LRP5: variants seen among roughly 807,000 people sequenced by gnomAD.
LRP5 encodes the protein low-density lipoprotein receptor-related protein 5.
Under a neutral mutation model 154.1 loss-of-function variants are expected in LRP5, and 62 were observed. The ratio of observed to expected loss-of-function variants is 0.40; its 90% CI spans 0.33 to 0.50. The LOEUF (loss-of-function observed/expected upper bound fraction) is 0.50. Among genes scored for constraint, LRP5 ranks in the 20% least tolerant of loss-of-function variants. The pLI is 0.55. For synonymous variants in LRP5, 966 were observed against 1,011.5 expected (o/e 0.96, Z 0.85); for missense variants, 1,915 against 2,336.7 (o/e 0.82, Z 3.72).
chr11:68,409,051 G>GAAAAAAA (rs57069059), intron 9 of LRP5, among the ~76,000 whole-genome samples: 4 of 51,418 alleles, frequency 7.8e-5, no homozygotes, highest in African/African-American at 3.6e-4. Flanking sequence ...CTTATCTGGG[G>GAAAAAAA]AAAAAAAAAA....
chr11:68,436,663 G>A (rs2153180374), intron 18 of LRP5, among the ~76,000 whole-genome samples: 1 of 152,318 alleles, frequency 6.6e-6, no homozygotes, highest in Middle Eastern at 3.4e-3. Context: ...CAGGCAGGAG[G>A]TGCGTTGAGG....
At chr11:68,387,380 G>C (rs1323461073) in intron 6 of LRP5, among the ~76,000 whole-genome samples, 1 of 151,996 alleles carries the variant, frequency 6.6e-6, no homozygotes, top group Non-Finnish European at 1.5e-5. Context: ...CTCCCAAAGT[G>C]CTGGGATTAC....
rs562310130 is a variant in LRP5, at chr11:68,377,234, G to A, written c.1016-9082G>A. On this transcript the variant is annotated intron_variant, in intron 5 of 22. Transcript: ENST00000294304. ...CGAGGGATGGGAGAGGAAGGGACCC[G>A]CCTGCAGGTCCCTTCCTGAGGCCGG... Among the ~76,000 whole-genome samples the A allele has an allele frequency of 3.3e-5, 5 of 152,256 alleles. No individual in the cohort carries two copies. In the South Asian group the frequency reaches 8.3e-4, roughly 25 times the overall value.
In LRP5 at chr11:68,429,648, G is replaced by A. The variant is rs1442600085; in HGVS notation, c.3711G>A (p.Arg1237=). ...ICIAKGDGTP[R]CSCPVHLVLL... ...TTGCCAAGGGTGATGGGACACCACGGTGCTCATGCCCAGTCCACCTCGTGC... is the reference window on the plus strand; with the variant it reads ...TTGCCAAGGGTGATGGGACACCACGATGCTCATGCCCAGTCCACCTCGTGC... The change falls in exon 17 of 23, where the codon CGG becomes CGA. Residue 1237 remains arginine, a synonymous_variant. Transcript: ENST00000294304. The A allele has an allele frequency of 1.4e-5, 23 of 1,614,190 alleles. No homozygotes were observed. The highest frequency in any genetic ancestry group is 1.9e-5 in the Non-Finnish European group (23 of 1,180,044).
chr11:68,426,515 C>G (rs891331632), intron 16 of LRP5, among the ~76,000 whole-genome samples: 16 of 150,950 alleles, frequency 1.1e-4, no homozygotes, highest in African/African-American at 3.9e-4. Flanking sequence ...GCCTCGACCT[C>G]TGGGCTTAAT....
intron 16 of LRP5, among the ~76,000 whole-genome samples, chr11:68,426,492 A>T (rs541550760): frequency 6.7e-6 from 1 of 148,956 alleles, no homozygotes; most frequent in South Asian, 2.1e-4. Context: ...TGGTGCAAAC[A>T]CAGTTCACTG....
intron 7 of LRP5, among the ~76,000 whole-genome samples, chr11:68,401,936 G>T (rs1261588543): frequency 6.6e-6 from 1 of 151,980 alleles, no homozygotes; most frequent in Non-Finnish European, 1.5e-5. Context: ...CAAATGATCC[G>T]CCTGCCTCGG....
Position 68,413,332 on chromosome 11 carries a change from A to C in LRP5, c.2504-357A>C. ...CGTGTTTTGGACTTAAACGCTCCGG[A>C]TGTTTACTGAGTGCTTGATTAATAA... On this transcript the variant is annotated intron_variant, in intron 11 of 22. Coordinates refer to ENST00000294304, the MANE Select transcript of LRP5 (RefSeq NM_002335.4). The surrounding 1 kb of genome is among the most constrained non-coding windows in gnomAD (Gnocchi z 5.1). The C allele has an allele frequency of 2.4e-6, 1 of 420,852 alleles. No homozygotes were observed. The highest frequency in any genetic ancestry group is 2.5e-5 in the South Asian group (1 of 39,434). 26.1% of individuals were successfully genotyped at this position (420,852 alleles called of 1,614,324 possible). A position where few individuals can be genotyped will look rare whatever the true frequency, so the allele number is the denominator to read the frequency against.
At position 68,348,607 on chromosome 11, in the gene LRP5, G is replaced by A. The variant is rs536517777; in HGVS notation, c.488+364G>A. Reference sequence around the variant, plus strand: ...GTGTCACTCTTAAAATGAACCCGTGGGGGGGTTGGCTCAGGCCTGTAACCC... The same window carrying A: ...GTGTCACTCTTAAAATGAACCCGTGAGGGGGTTGGCTCAGGCCTGTAACCC... On this transcript the variant is annotated intron_variant, in intron 2 of 22. Transcript: ENST00000294304. 2.1e-3 allele frequency among the ~76,000 whole-genome samples: 313 copies of A among 147,792 alleles called. 2 individuals carry two copies. Among genetic ancestry groups the A allele is most frequent in the African/African-American group, 7.5e-3 (293 of 38,908 alleles).
At chr11:68,377,930 C>T (rs1296232921) in intron 5 of LRP5, among the ~76,000 whole-genome samples, 1 of 152,198 alleles carries the variant, frequency 6.6e-6, no homozygotes, top group Non-Finnish European at 1.5e-5. Flanking sequence ...GAGAACACAG[C>T]TATCCTGGGT....
intron 18 of LRP5, among the ~76,000 whole-genome samples, chr11:68,436,086 TCCC>T (rs2098674710): frequency 1.3e-5 from 2 of 152,220 alleles, no homozygotes; most frequent in African/African-American, 4.8e-5. Context: ...AGCCCCCTCG[TCCC>T]GCTCTAGCTT....
In LRP5 at chr11:68,425,225, C is replaced by G; in HGVS notation, c.3360C>G (p.Asp1120Glu). 6.2e-7 allele frequency: 1 copy of G among 1,612,814 alleles called. No individual in the cohort carries two copies. The highest frequency in any genetic ancestry group is 1.1e-5 in the South Asian group (1 of 91,086). The change falls in exon 15 of 23, where the codon GAC (aspartate) becomes GAG (glutamate). Residue 1120 changes from aspartate to glutamate, a missense_variant. Physicochemically the swap from Asp to Glu is conservative, Grantham distance 45 (BLOSUM62 2). Coordinates refer to ENST00000294304, the MANE Select transcript of LRP5 (RefSeq NM_002335.4). ...GLIRPVALVV[D>E]NTLGKLFWVD... The stretch of plus-strand genomic sequence containing the variant: ...TCCGCCCTGTGGCCCTGGTGGTGGA[C>G]AACACACTGGGCAAGCTGTTCTGGG...
At chr11:68,374,892 C>A (rs2098636489) in intron 5 of LRP5, among the ~76,000 whole-genome samples, 1 of 152,198 alleles carries the variant, frequency 6.6e-6, no homozygotes, top group African/African-American at 2.4e-5. Context: ...GGAATGGCAT[C>A]TCTGGGATGG....
At chr11:68,392,113 T>C (rs544908075) in intron 7 of LRP5, among the ~76,000 whole-genome samples, 16 of 152,312 alleles carry the variant, frequency 1.1e-4, no homozygotes, top group Admixed American at 2.0e-4. Flanking sequence ...CCTCCCAAAG[T>C]GCTGGGATGA....
chr11:68,405,614 T>G (rs1367781724), intron 8 of LRP5, among the ~76,000 whole-genome samples: 1 of 151,966 alleles, frequency 6.6e-6, no homozygotes, highest in Admixed American at 6.6e-5. Flanking sequence ...GCTGAGAAAT[T>G]GGGCTTCTTC....
In LRP5 at chr11:68,433,594, T is replaced by TC; in HGVS notation, c.3764-3dup. The TC allele has an allele frequency of 6.2e-7, 1 of 1,609,358 alleles. No individual in the cohort carries two copies. Among genetic ancestry groups the TC allele is most frequent in the Non-Finnish European group, 8.5e-7 (1 of 1,176,564 alleles). On this transcript the variant is annotated splice_polypyrimidine_tract_variant and splice_region_variant and intron_variant, in intron 17 of 22. Transcript: ENST00000294304. ...TGCGTGTGATGTTCTCCTCTGTCCC[T>TC]CCCCCAGAGCCGCCCACCTGCTCCC...
intron 7 of LRP5, among the ~76,000 whole-genome samples, chr11:68,397,327 G>T (rs928250024): frequency 3.9e-5 from 6 of 152,140 alleles, no homozygotes; most frequent in African/African-American, 1.4e-4. Flanking sequence ...AAGTGGCAGG[G>T]TCTGGCATCT....
intron 8 of LRP5, among the ~76,000 whole-genome samples, chr11:68,404,996 C>CAAA (rs1290725005): frequency 8.4e-6 from 1 of 119,574 alleles, no homozygotes. Flanking sequence ...AAAAAAAGTC[C>CAAA]AAAAAAAAAA....
At chr11:68,420,032 A>G (rs1044244994) in intron 13 of LRP5, among the ~76,000 whole-genome samples, 7 of 151,004 alleles carry the variant, frequency 4.6e-5, no homozygotes, top group African/African-American at 1.7e-4. Flanking sequence ...CAAGCAGTCC[A>G]CCCACCTCAG....
Sources: allele counts gnomAD v4.1 joint callset (sites outside exome capture counted in the v4.1 genomes callset), GRCh38; gene constraint gnomAD v4.1.1; non-coding constraint Gnocchi (gnomAD v3.1); transcripts MANE v1.5; gene names NCBI Gene and HGNC (gene_info 2026-07-23, HGNC 2026-07-21).